Variants in PACSIN1 observed in about 807,000 individuals in gnomAD.
PACSIN1 encodes the protein protein kinase C and casein kinase substrate in neurons 1.
PACSIN1 carries 15 observed loss-of-function variants against 59.5 expected under a neutral mutation model. The ratio of observed to expected loss-of-function variants is 0.25; its 90% confidence interval spans 0.17 to 0.39. The LOEUF is 0.39. PACSIN1 is among the 10% of genes least tolerant of loss of function. The pLI is 1.00. For missense variants in PACSIN1, 420 were observed against 580.2 expected (o/e 0.72, Z 2.84); for synonymous variants, 210 against 220.6 (o/e 0.95, Z 0.42).
chr6:34,528,907 T>TGG, intron 4 of PACSIN1, 30 bp downstream of exon 4: 1 of 250,436 alleles, frequency 4.0e-6, no homozygotes. Flanking sequence ...ACGGGCGGGG[T>TGG]GGGGTGGGCC....
At chr6:34,506,086 A>G (rs1450582992) in intron 1 of PACSIN1, among the ~76,000 whole-genome samples, 3 of 152,098 alleles carry the variant, frequency 2.0e-5, no homozygotes, top group African/African-American at 7.2e-5. Context: ...GTGCTGAAGC[A>G]TTTTTACGAT....
Position 34,518,004 on chromosome 6 carries a change from C to T in PACSIN1, c.-63-8239C>T, listed in dbSNP as rs1026532459. The stretch of plus-strand genomic sequence containing the variant: ...GTGGGGGCCTATGATTCTGTCCTCA[C>T]AGGGGAAGATGATGCCCACCTACCT... On this transcript the variant is annotated intron_variant, in intron 1 of 9. Transcript: ENST00000244458. The surrounding 1 kb of genome is among the most constrained non-coding windows in gnomAD (Gnocchi z 4.4). 6.6e-6 allele frequency among the ~76,000 whole-genome samples: 1 copy of T among 152,222 alleles called. No individual in the cohort carries two copies.
Position 34,532,288 on chromosome 6 carries a change from A to G in PACSIN1, c.1226-133A>G. ...TGGCGTGGGACTGGGGCTGGTTTCC[A>G]GGGGCGGGGCCTAAGAATCTAAAAC... On this transcript the variant is annotated intron_variant, in intron 9 of 9. Coordinates refer to ENST00000244458, the MANE Select transcript of PACSIN1 (RefSeq NM_020804.5). This position sits in a 1 kb window ranked among gnomAD's most constrained non-coding sequence, Gnocchi z 5.2. 2 of 643,200 alleles carry G rather than the reference A, an allele frequency of 3.1e-6. No homozygotes were observed. Among genetic ancestry groups the G allele is most frequent in the Non-Finnish European group, 5.5e-6 (2 of 361,678 alleles). The allele number at this position is 643,200 out of a possible 1,614,324, so 39.8% of individuals were successfully genotyped here.
intron 1 of PACSIN1, among the ~76,000 whole-genome samples, chr6:34,480,103 G>A (rs1176268751): frequency 6.6e-6 from 1 of 152,038 alleles, no homozygotes; most frequent in African/African-American, 2.4e-5. Context: ...TGGGATTACA[G>A]GCATGAGCCA....
Position 34,521,627 on chromosome 6 carries a change from C to T in PACSIN1, c.-63-4616C>T, listed in dbSNP as rs1367255486. On this transcript the variant is annotated intron_variant, in intron 1 of 9. Coordinates refer to ENST00000244458, the MANE Select transcript of PACSIN1 (RefSeq NM_020804.5). The surrounding 1 kb of genome is among the most constrained non-coding windows in gnomAD (Gnocchi z 4.3). The stretch of plus-strand genomic sequence containing the variant: ...GTCTGCACTTCACAGGCTGCATCAT[C>T]CTCATGGACAAGAAAGGCAAGACCC... Among the ~76,000 whole-genome samples the T allele has an allele frequency of 3.3e-5, 5 of 152,170 alleles. No individual in the cohort carries two copies. In the East Asian group the frequency reaches 7.7e-4, roughly 23 times the overall value.
In PACSIN1 at chr6:34,533,425, C is replaced by T. The variant is rs1259981130; in HGVS notation, c.*895C>T. 1 of 152,314 alleles carries T rather than the reference C, an allele frequency of 6.6e-6. No homozygotes were observed. The highest frequency in any genetic ancestry group is 1.5e-5 in the Non-Finnish European group (1 of 68,108). 9.4% of individuals were successfully genotyped at this position (152,314 alleles called of 1,614,324 possible). A position where few individuals can be genotyped will look rare whatever the true frequency, so the allele number is the denominator to read the frequency against. ...GGGACCCCCAAACCTACGGCAAAGC[C>T]AGCAACAGTAGCAGCCTGCTCCCAT... On this transcript the variant is annotated 3_prime_UTR_variant, in exon 10 of 10. Transcript: ENST00000244458.
chr6:34,517,450 TA>T (rs1461536196), intron 1 of PACSIN1, among the ~76,000 whole-genome samples: 1 of 152,106 alleles, frequency 6.6e-6, no homozygotes, highest in Non-Finnish European at 1.5e-5. Context: ...CAGAAAAAGC[TA>T]AAGGCCTCCC....
chr6:34,509,555 T>A (rs1240501191), intron 1 of PACSIN1, among the ~76,000 whole-genome samples: 1 of 152,152 alleles, frequency 6.6e-6, no homozygotes, highest in Non-Finnish European at 1.5e-5. Context: ...TGGGGACCTT[T>A]GTGGTTCCTA....
chr6:34,501,924 C>T (rs374487626), intron 1 of PACSIN1, among the ~76,000 whole-genome samples: 110 of 148,264 alleles, frequency 7.4e-4, no homozygotes, highest in African/African-American at 2.4e-3. Flanking sequence ...CCCAGCTATT[C>T]GGGAGGCTGA....
chr6:34,496,341 C>T (rs946403681), intron 1 of PACSIN1, among the ~76,000 whole-genome samples: 2 of 148,426 alleles, frequency 1.3e-5, no homozygotes, highest in African/African-American at 2.5e-5. Context: ...GAGGAGGCTA[C>T]GGTGGGGGCC....
intron 1 of PACSIN1, among the ~76,000 whole-genome samples, chr6:34,468,300 G>T (rs1766526043): frequency 6.6e-6 from 1 of 152,212 alleles, no homozygotes; most frequent in Non-Finnish European, 1.5e-5. Flanking sequence ...CTTAGGAGGG[G>T]CCTAAAGAGA....
In PACSIN1 at chr6:34,529,918, C is replaced by T; in HGVS notation, c.788+77C>T. On this transcript the variant is annotated intron_variant, in intron 6 of 9. Transcript: ENST00000244458. The surrounding 1 kb of genome is among the most constrained non-coding windows in gnomAD (Gnocchi z 6.3). ...TGACTGGCATGCAGGGCATCCCAGC[C>T]CTCCATCACAGTGACGGGAAGGGGA... The T allele has an allele frequency of 6.8e-7, 1 of 1,471,176 alleles. No individual in the cohort carries two copies. The highest frequency in any genetic ancestry group is 1.2e-5 in the South Asian group (1 of 80,066). The allele number at this position is 1,471,176 out of a possible 1,614,324, so 91.1% of individuals were successfully genotyped here.
In PACSIN1 at chr6:34,531,454, C is replaced by T; in HGVS notation, c.1038-146C>T. On this transcript the variant is annotated intron_variant, in intron 8 of 9. Transcript: ENST00000244458. This position sits in a 1 kb window ranked among gnomAD's most constrained non-coding sequence, Gnocchi z 4.4. The stretch of plus-strand genomic sequence containing the variant: ...TGCATTTAAACATCGGTTTAAAGAG[C>T]TCATGAGGGTCACCCCTCCTATGTG... 2.7e-6 allele frequency: 2 copies of T among 746,016 alleles called. No homozygotes were observed. The highest frequency in any genetic ancestry group is 3.5e-5 in the South Asian group (2 of 57,472). 46.2% of individuals were successfully genotyped at this position (746,016 alleles called of 1,614,324 possible).
At position 34,532,402 on chromosome 6, in the gene PACSIN1, C is replaced by T; in HGVS notation, c.1226-19C>T. On this transcript the variant is annotated intron_variant, in intron 9 of 9. Coordinates refer to ENST00000244458, the MANE Select transcript of PACSIN1 (RefSeq NM_020804.5). The surrounding 1 kb of genome is among the most constrained non-coding windows in gnomAD (Gnocchi z 5.2). ...GGGCAGCCTTCTCTCTGAGCCCCTC[C>T]CTGTGTTCTCTTTCCCAGGAGACGA... 2.6e-6 allele frequency: 4 copies of T among 1,526,216 alleles called. No homozygotes were observed. Among genetic ancestry groups the T allele is most frequent in the Non-Finnish European group, 3.6e-6 (4 of 1,122,528 alleles). 94.5% of individuals were successfully genotyped at this position (1,526,216 alleles called of 1,614,324 possible).
rs189578496 is a variant in PACSIN1 at position 34,512,197 on chromosome 6, G to T, written c.-63-14046G>T. On this transcript the variant is annotated intron_variant, in intron 1 of 9. Transcript: ENST00000244458. Reference sequence around the variant, plus strand: ...GTTGGGGCCAGATTAGGCTGACAGTGGGGGTGGGCTGAGGGTGGATGCTCT... The same window carrying T: ...GTTGGGGCCAGATTAGGCTGACAGTTGGGGTGGGCTGAGGGTGGATGCTCT... Among the ~76,000 whole-genome samples the T allele has an allele frequency of 1.1e-3, 161 of 152,192 alleles. 3 individuals are homozygous for T. The East Asian group carries it at 0.023, about 22-fold the overall frequency.
chr6:34,472,993 G>C (rs1328180978), intron 1 of PACSIN1, among the ~76,000 whole-genome samples: 1 of 152,198 alleles, frequency 6.6e-6, no homozygotes, highest in African/African-American at 2.4e-5. Flanking sequence ...CTGAAGTTAA[G>C]TGACTTGCCT....
At position 34,515,374 on chromosome 6, in the gene PACSIN1, C is replaced by T. The variant is rs552402205; in HGVS notation, c.-63-10869C>T. Among the ~76,000 whole-genome samples, 5 of 152,278 alleles carry T rather than the reference C, an allele frequency of 3.3e-5. No homozygotes were observed. In the South Asian group the frequency reaches 1.0e-3, roughly 32 times the overall value. On this transcript the variant is annotated intron_variant, in intron 1 of 9. Coordinates refer to ENST00000244458, the MANE Select transcript of PACSIN1 (RefSeq NM_020804.5). This position sits in a 1 kb window ranked among gnomAD's most constrained non-coding sequence, Gnocchi z 4.4. ...ATGCCCCCTCCTTGGGGCAGCAGGC[C>T]GAGGGAGGCTGGAGCCTCCAGGGAC... is the stretch of plus-strand genomic sequence containing the variant.
rs909261219 is a variant in PACSIN1, at chr6:34,466,248, G to C, written c.-86G>C. On this transcript the variant is annotated 5_prime_UTR_variant, in exon 1 of 10. Coordinates refer to ENST00000244458, the MANE Select transcript of PACSIN1 (RefSeq NM_020804.5). ...GCTTCGCCCCGAGTCGCCGCCGATG[G>C]TCCCCGGAGCTCCTGCCCCCAGGTA... The C allele has an allele frequency of 6.6e-6, 1 of 152,246 alleles. No individual in the cohort carries two copies. The highest frequency in any genetic ancestry group is 6.5e-5 in the Admixed American group (1 of 15,280). 9.4% of individuals were successfully genotyped at this position (152,246 alleles called of 1,614,324 possible).
chr6:34,506,279 A>C (rs1342826174), intron 1 of PACSIN1, among the ~76,000 whole-genome samples: 7 of 152,124 alleles, frequency 4.6e-5, no homozygotes, highest in African/African-American at 7.2e-5. Context: ...GTGCAATGGC[A>C]CAATCACAGT....
Sources: gnomAD v4.1 joint callset for allele counts (sites outside exome capture counted in the v4.1 genomes callset) on GRCh38, gnomAD v4.1.1 for gene constraint, Gnocchi (gnomAD v3.1) non-coding constraint, MANE v1.5 for transcripts, NCBI Gene and HGNC (gene_info 2026-07-23, HGNC 2026-07-21) for gene names.